Variants in NKAIN3 observed in about 807,000 individuals in gnomAD.
NKAIN3 encodes the protein sodium/potassium transporting ATPase interacting 3, also known as sodium/potassium-transporting ATPase subunit beta-1-interacting protein 3.
Under a neutral mutation model 30.2 loss-of-function variants are expected in NKAIN3, and 25 were observed. That is an observed-to-expected ratio of 0.83 (90% CI 0.60 to 1.16). The LOEUF is 1.16. NKAIN3 is among the 50% of genes most tolerant of loss of function. The pLI, the probability that NKAIN3 is intolerant of heterozygous loss-of-function variation, is 0.00. For synonymous variants in NKAIN3, 91 were observed against 89.6 expected, an observed-to-expected ratio of 1.02 and a Z score of -0.09; for missense variants, 225 against 254.1, an observed-to-expected ratio of 0.89 and a Z score of 0.78.
At chr8:62,260,260 T>A (rs1585606656) in intron 1 of NKAIN3, among the ~76,000 whole-genome samples, 1 of 152,112 alleles carries the variant, frequency 6.6e-6, no homozygotes, top group Non-Finnish European at 1.5e-5. Flanking sequence ...AGATGTTGAT[T>A]GGTTTAATTG....
intron 3 of NKAIN3, among the ~76,000 whole-genome samples, chr8:62,713,206 G>T (rs1461771801): frequency 6.6e-6 from 1 of 152,156 alleles, no homozygotes; most frequent in Admixed American, 6.5e-5. Flanking sequence ...TGCCACCAGG[G>T]TGCACACACA....
rs1344631356 is a variant in NKAIN3, at chr8:62,755,581, A to AG, written c.471+8453dup. Among the ~76,000 whole-genome samples, 4 of 152,096 alleles carry AG rather than the reference A, an allele frequency of 2.6e-5. No homozygotes were observed. In the East Asian group the frequency reaches 7.7e-4, roughly 29 times the overall value. ...TGCTAGCGCTTTCCAGGGTCTAGTA[A>AG]GAGGAAAGAAATCATGACCAACCTC... On this transcript the variant is annotated intron_variant, in intron 4 of 6. Coordinates refer to ENST00000623646, the MANE Select transcript of NKAIN3 (RefSeq NM_001304533.3).
intron 4 of NKAIN3, among the ~76,000 whole-genome samples, chr8:62,779,699 G>A (rs1294887826): frequency 1.3e-5 from 2 of 152,088 alleles, no homozygotes; most frequent in Non-Finnish European, 2.9e-5. Context: ...CTCCAAGATG[G>A]ACAATATGTT....
intron 3 of NKAIN3, among the ~76,000 whole-genome samples, chr8:62,711,764 TG>T (rs1029453763): frequency 6.6e-6 from 1 of 152,214 alleles, no homozygotes; most frequent in Non-Finnish European, 1.5e-5. Context: ...CTTCTTGGTT[TG>T]GATCCATTGC....
At chr8:62,573,968 C>A (rs1288555755) in intron 1 of NKAIN3, among the ~76,000 whole-genome samples, 1 of 152,010 alleles carries the variant, frequency 6.6e-6, no homozygotes, top group Non-Finnish European at 1.5e-5. Context: ...AAATACTAGA[C>A]CTTGTTCATA....
In NKAIN3 at chr8:62,733,724, A is replaced by G. The variant is rs111510545; in HGVS notation, c.274-13208A>G. Among the ~76,000 whole-genome samples, 491 of 152,282 alleles carry G rather than the reference A, an allele frequency of 3.2e-3. 4 individuals carry two copies. Among genetic ancestry groups the G allele is most frequent in the African/African-American group, 0.011 (453 of 41,570 alleles). ...ACCTCCAAACTCTGATCAGATGTGT[A>G]TCAAACCTTCTCATTCTATTCTCCA... On this transcript the variant is annotated intron_variant, in intron 3 of 6. Transcript: ENST00000623646.
intron 1 of NKAIN3, among the ~76,000 whole-genome samples, chr8:62,254,050 T>G (rs1337654945): frequency 6.6e-6 from 1 of 152,148 alleles, no homozygotes; most frequent in African/African-American, 2.4e-5. Flanking sequence ...TGTCTACTAA[T>G]GAGACTTGAG....
At chr8:62,463,325 A>G (rs1382651307) in intron 1 of NKAIN3, among the ~76,000 whole-genome samples, 2 of 152,220 alleles carry the variant, frequency 1.3e-5, no homozygotes, top group Non-Finnish European at 2.9e-5. Context: ...TACCTCAGAA[A>G]ATGTTGAAAA....
intron 1 of NKAIN3, among the ~76,000 whole-genome samples, chr8:62,393,983 A>G (rs1051287289): frequency 4.6e-5 from 7 of 152,142 alleles, no homozygotes; most frequent in Admixed American, 2.0e-4. Flanking sequence ...AGGAAGCTTT[A>G]TATTAGGTTC....
intron 3 of NKAIN3, among the ~76,000 whole-genome samples, chr8:62,690,205 A>G (rs1018710107): frequency 2.0e-5 from 3 of 151,926 alleles, no homozygotes; most frequent in African/African-American, 4.8e-5. Context: ...TGCACCAATC[A>G]TAGCGCCTCA....
chr8:62,751,457 C>T (rs917269458), intron 4 of NKAIN3, among the ~76,000 whole-genome samples: 4 of 152,142 alleles, frequency 2.6e-5, no homozygotes, highest in African/African-American at 9.7e-5. Flanking sequence ...TATTTTTGTA[C>T]ATGAGTCCAA....
intron 4 of NKAIN3, among the ~76,000 whole-genome samples, chr8:62,782,769 A>T (rs1460838127): frequency 6.7e-6 from 1 of 149,634 alleles, no homozygotes; most frequent in East Asian, 2.0e-4. Flanking sequence ...AGAATGATAC[A>T]TACGAGATAA....
chr8:62,677,046 T>C (rs76968900), intron 3 of NKAIN3, among the ~76,000 whole-genome samples: 10,596 of 152,176 alleles, frequency 0.07, 811 homozygotes, highest in African/African-American at 0.19. Context: ...GTATGATGCA[T>C]AAGTGCTGGG....
At chr8:62,597,958 A>G (rs867321447) in intron 3 of NKAIN3, among the ~76,000 whole-genome samples, 7 of 152,072 alleles carry the variant, frequency 4.6e-5, no homozygotes, top group Admixed American at 6.6e-5. Flanking sequence ...TCAGGAGGAA[A>G]GTTTTGAGTA....
intron 4 of NKAIN3, among the ~76,000 whole-genome samples, chr8:62,889,599 T>C (rs1563613981): frequency 6.6e-6 from 1 of 152,204 alleles, no homozygotes; most frequent in Non-Finnish European, 1.5e-5. Flanking sequence ...ATGTTTTTAG[T>C]GATTAAAAAG....
chr8:62,925,378 G>GA (rs994313548), intron 5 of NKAIN3, among the ~76,000 whole-genome samples: 6 of 151,588 alleles, frequency 4.0e-5, no homozygotes, highest in East Asian at 1.9e-4. Flanking sequence ...TGTACCACAG[G>GA]AAAAAAAATG....
chr8:62,271,384 A>G (rs1812774347), intron 1 of NKAIN3, among the ~76,000 whole-genome samples: 1 of 152,200 alleles, frequency 6.6e-6, no homozygotes, highest in South Asian at 2.1e-4. Context: ...AACTGACTCC[A>G]GCTGGGAATT....
At chr8:62,272,170 G>GTT (rs1812797351) in intron 1 of NKAIN3, among the ~76,000 whole-genome samples, 1 of 152,184 alleles carries the variant, frequency 6.6e-6, no homozygotes, top group Non-Finnish European at 1.5e-5. Flanking sequence ...CTAGATTCAA[G>GTT]TTATTCAATA....
intron 3 of NKAIN3, among the ~76,000 whole-genome samples, chr8:62,631,508 C>T (rs907432839): frequency 6.6e-6 from 1 of 152,304 alleles, no homozygotes; most frequent in East Asian, 1.9e-4. Context: ...ATTTGTCACT[C>T]TTCAGTGGCT....
Sources: gnomAD v4.1 joint callset for allele counts (sites outside exome capture counted in the v4.1 genomes callset) on GRCh38, gnomAD v4.1.1 for gene constraint, MANE v1.5 for transcripts, NCBI Gene and HGNC (gene_info 2026-07-23, HGNC 2026-07-21) for gene names.